ESR1: variants seen among roughly 807,000 people sequenced by gnomAD.
ESR1 encodes estrogen receptor.
Under a neutral mutation model 52.7 loss-of-function variants are expected in ESR1, and 12 were observed. The observed-to-expected ratio is 0.23, with a 90% CI of 0.15 to 0.37. The LOEUF is 0.37. Ranked by LOEUF, ESR1 falls within the 10% of genes least tolerant of loss-of-function variation. The pLI is 1.00. For missense variants in ESR1, 584 were observed against 779.7 expected (o/e 0.75, Z 2.99); for synonymous variants, 305 against 316.8 (o/e 0.96, Z 0.39).
chr6:151,973,771 G>A (rs988825303), intron 4 of ESR1, among the ~76,000 whole-genome samples: 2 of 152,154 alleles, frequency 1.3e-5, no homozygotes, highest in African/African-American at 4.8e-5. Flanking sequence ...GCGTCCTGTT[G>A]AACACTCAGT....
At chr6:151,907,051 G>A (rs1261517791) in intron 3 of ESR1, among the ~76,000 whole-genome samples, 1 of 151,768 alleles carries the variant, frequency 6.6e-6, no homozygotes. Flanking sequence ...TAGGCATGAA[G>A]TTGTCCTGTT....
intron 2 of ESR1, among the ~76,000 whole-genome samples, chr6:151,795,251 C>T (rs1480300049): frequency 6.6e-6 from 1 of 151,978 alleles, no homozygotes; most frequent in Non-Finnish European, 1.5e-5. Flanking sequence ...CGTTGGGAGG[C>T]TGAGGTGGGG....
intron 1 of ESR1, among the ~76,000 whole-genome samples, chr6:151,699,202 T>G (rs1218154447): frequency 6.6e-6 from 1 of 152,182 alleles, no homozygotes. Context: ...TGAAATTTGT[T>G]GTGCCAATTC....
chr6:151,799,452 G>A (rs1777018880), upstream of ESR1, among the ~76,000 whole-genome samples: 1 of 152,180 alleles, frequency 6.6e-6, no homozygotes. Flanking sequence ...CTTCTTTCGA[G>A]GTAAATCATT....
chr6:151,826,989 G>A (rs1365448321), intron 1 of ESR1, among the ~76,000 whole-genome samples: 1 of 152,070 alleles, frequency 6.6e-6, no homozygotes, highest in Non-Finnish European at 1.5e-5. Context: ...AACATCCCTG[G>A]TGTCTTGAGG....
At position 151,663,503 on chromosome 6, in the gene ESR1, C is replaced by G. The variant is rs541968352; in HGVS notation, n.73+6740C>G. ...TTGTTTCAATTTTTTTAAACATTAA[C>G]TGCCCATAATAATTGAAGCATGAAT... On this transcript the variant is annotated intron_variant and non_coding_transcript_variant, in intron 1 of 2. Transcript: ENST00000473497. Among the ~76,000 whole-genome samples, 3 of 152,284 alleles carry G rather than the reference C, an allele frequency of 2.0e-5. No homozygotes were observed. The South Asian group carries it at 6.2e-4, about 32-fold the overall frequency.
rs144117929 is a variant in ESR1 at position 151,942,396 on chromosome 6, C to T, written c.761-1777C>T. ...TGATATTGTACAAGTTGCTTCATCT[C>T]TTTAAGTAACGGTTTCTCAAACTTA... is the stretch of plus-strand genomic sequence containing the variant. On this transcript the variant is annotated intron_variant, in intron 3 of 7. Transcript: ENST00000206249. Among the ~76,000 whole-genome samples, 36 of 152,262 alleles carry T rather than the reference C, an allele frequency of 2.4e-4. No homozygotes were observed. The East Asian group carries it at 6.0e-3, about 25-fold the overall frequency.
chr6:151,759,301 A>G (rs1167523351), intron 2 of ESR1, among the ~76,000 whole-genome samples: 1 of 151,566 alleles, frequency 6.6e-6, no homozygotes, highest in Non-Finnish European at 1.5e-5. Flanking sequence ...AAAACCAAAC[A>G]TAAAACCAGA....
chr6:151,795,901 C>G (rs1208704605), intron 2 of ESR1, among the ~76,000 whole-genome samples: 1 of 151,978 alleles, frequency 6.6e-6, no homozygotes, highest in Non-Finnish European at 1.5e-5. Flanking sequence ...TGTAATCCAG[C>G]ACTTTGGGAG....
At chr6:151,759,342 A>G (rs1242768139) in intron 2 of ESR1, among the ~76,000 whole-genome samples, 2 of 151,962 alleles carry the variant, frequency 1.3e-5, no homozygotes, top group Non-Finnish European at 2.9e-5. Flanking sequence ...ACATAGGACA[A>G]TATGGTCCTG....
At chr6:152,023,971 C>T (rs2043911181) in intron 5 of ESR1, among the ~76,000 whole-genome samples, 1 of 152,096 alleles carries the variant, frequency 6.6e-6, no homozygotes, top group East Asian at 1.9e-4. Context: ...TTTCCGTGTC[C>T]CCAAGTTATA....
In ESR1 at chr6:152,098,554, G is replaced by A. The variant is rs2050820598; in HGVS notation, c.1554-178G>A. 6.6e-6 allele frequency among the ~76,000 whole-genome samples: 1 copy of A among 151,948 alleles called. No individual in the cohort carries two copies. The highest frequency in any genetic ancestry group is 2.4e-5 in the African/African-American group (1 of 41,370). On this transcript the variant is annotated intron_variant, in intron 7 of 7. Transcript: ENST00000206249. The surrounding 1 kb of genome is among the most constrained non-coding windows in gnomAD (Gnocchi z 5.1). ...CACACGGCCATGAGTTCCAGATTAG[G>A]GCTTCTGAAAGCCCTCAGCTTTCCC...
upstream of ESR1, among the ~76,000 whole-genome samples, chr6:151,686,937 G>A (rs1020219564): frequency 2.6e-5 from 4 of 152,170 alleles, no homozygotes; most frequent in Admixed American, 6.5e-5. Flanking sequence ...TGGGTCCAGA[G>A]CCCCCTATGT....
intron 2 of ESR1, among the ~76,000 whole-genome samples, chr6:151,866,650 C>T (rs1048410320): frequency 1.7e-4 from 26 of 152,080 alleles, no homozygotes; most frequent in African/African-American, 4.8e-4. Context: ...CTATAAAGGA[C>T]ATGATTGCAT....
At chr6:152,079,573 C>A (rs755966368) in intron 6 of ESR1, among the ~76,000 whole-genome samples, 1 of 152,158 alleles carries the variant, frequency 6.6e-6, no homozygotes, top group Non-Finnish European at 1.5e-5. Context: ...AAAACCAGAG[C>A]GCCTCTTCTG....
chr6:151,700,873 C>A (rs1345877961), intron 1 of ESR1, among the ~76,000 whole-genome samples: 1 of 151,986 alleles, frequency 6.6e-6, no homozygotes, highest in Non-Finnish European at 1.5e-5. Flanking sequence ...ACCAAAAAAA[C>A]CCAGGGCCTT....
chr6:152,114,327 G>A (rs989086298), intron 6 of ESR1, among the ~76,000 whole-genome samples: 4 of 152,160 alleles, frequency 2.6e-5, no homozygotes, highest in African/African-American at 9.7e-5. Flanking sequence ...ACTTCTGGAG[G>A]CAGGTGGTAG....
intron 6 of ESR1, among the ~76,000 whole-genome samples, chr6:152,114,735 C>CA (rs2051187577): frequency 1.3e-5 from 2 of 150,868 alleles, no homozygotes; most frequent in Admixed American, 1.3e-4. Flanking sequence ...ACTAAAAATA[C>CA]AAAAAATTAG....
At chr6:151,975,892 A>G (rs183859407) in intron 4 of ESR1, among the ~76,000 whole-genome samples, 197 of 152,262 alleles carry the variant, frequency 1.3e-3, no homozygotes, top group African/African-American at 4.4e-3. Flanking sequence ...GTCATTCTGA[A>G]CAATTCCCTG....
Sources: gnomAD v4.1 joint callset for allele counts (sites outside exome capture counted in the v4.1 genomes callset) on GRCh38, gnomAD v4.1.1 for gene constraint, Gnocchi (gnomAD v3.1) non-coding constraint, MANE v1.5 for transcripts, NCBI Gene and HGNC (gene_info 2026-07-23, HGNC 2026-07-21) for gene names.